CACNA1H: variants seen among roughly 807,000 people sequenced by gnomAD.
CACNA1H encodes voltage-dependent T-type calcium channel subunit alpha-1H.
Under a neutral mutation model 192.5 loss-of-function variants are expected in CACNA1H, and 149 were observed. The observed-to-expected ratio is 0.77, with a 90% CI of 0.68 to 0.89. The LOEUF (loss-of-function observed/expected upper bound fraction) is 0.89, where lower values mean the gene tolerates loss of function less well. CACNA1H is among the 40% of genes least tolerant of loss of function. CACNA1H has a pLI of 0.00. For missense variants in CACNA1H, 4,257 were observed against 3,423.5 expected, an observed-to-expected ratio of 1.24 and a Z score of -6.08; for synonymous variants, 2,202 against 1,475.2, an observed-to-expected ratio of 1.49 and a Z score of -11.29.
At position 1,206,096 on chromosome 16, in the gene CACNA1H, G is replaced by A; in HGVS notation, c.2604-8G>A. The A allele has an allele frequency of 6.4e-7, 1 of 1,564,164 alleles. No homozygotes were observed. The highest frequency in any genetic ancestry group is 8.6e-7 in the Non-Finnish European group (1 of 1,158,012). On this transcript the variant is annotated splice_region_variant and splice_polypyrimidine_tract_variant and intron_variant, in intron 11 of 34. Coordinates refer to ENST00000348261, the MANE Select transcript of CACNA1H (RefSeq NM_021098.3). Reference sequence around the variant, plus strand: ...GCCCCGCTGACCCTCGCCCCCACCTGTCCGCAGCGTCTGGGAGATCGTGGG... The same window carrying A: ...GCCCCGCTGACCCTCGCCCCCACCTATCCGCAGCGTCTGGGAGATCGTGGG...
At chr16:1,205,300 C>G (rs28365120) in intron 11 of CACNA1H, 35 bp downstream of exon 11, 2 of 1,570,554 alleles carry the variant, frequency 1.3e-6, no homozygotes, top group South Asian at 1.1e-5. Flanking sequence ...AAGAGGGGCC[C>G]GGGAAGCTCC....
intron 2 of CACNA1H, among the ~76,000 whole-genome samples, chr16:1,161,779 G>A (rs1963225979): frequency 1.3e-5 from 2 of 152,148 alleles, no homozygotes; most frequent in African/African-American, 4.8e-5. Flanking sequence ...GGGACAGACC[G>A]CTGGCCAGGC....
intron 26 of CACNA1H, among the ~76,000 whole-genome samples, chr16:1,212,796 C>G (rs759800463): frequency 1.3e-5 from 2 of 152,246 alleles, no homozygotes; most frequent in African/African-American, 2.4e-5. Flanking sequence ...CGCCCACACC[C>G]CTGCAGGCTT....
At chr16:1,186,566 GCA>G (rs1252776643) in intron 2 of CACNA1H, among the ~76,000 whole-genome samples, 1 of 152,060 alleles carries the variant, frequency 6.6e-6, no homozygotes, top group African/African-American at 2.4e-5. Context: ...CTGTACCTCT[GCA>G]CACGTGCCCA....
At chr16:1,219,172 G>GT in intron 34 of CACNA1H, 42 bp downstream of exon 34, 1 of 1,471,556 alleles carries the variant, frequency 6.8e-7, no homozygotes, top group South Asian at 1.3e-5. Flanking sequence ...TGGCGGGGAT[G>GT]GGGGGCTTGC....
chr16:1,212,862 C>T (rs1216116812), intron 26 of CACNA1H, among the ~76,000 whole-genome samples: 2 of 152,234 alleles, frequency 1.3e-5, no homozygotes, highest in African/African-American at 4.8e-5. Flanking sequence ...CCCTCTCCGG[C>T]TGCCCGGGCT....
In CACNA1H at chr16:1,209,403, C is replaced by G. The variant is rs1481752131; in HGVS notation, c.3735C>G (p.Asp1245Glu). 1 of 1,597,558 alleles carries G rather than the reference C, an allele frequency of 6.3e-7. No homozygotes were observed. The highest frequency in any genetic ancestry group is 1.7e-5 in the Admixed American group (1 of 59,980). The part of the protein sequence containing the change: ...HREDAAELDD[D>E]SEDSCCLRLH... ...AGGATGCAGCCGAGCTTGACGACGA[C>G]TCGGAGGACGTGAGTGCGTGGCCCT... The change falls in exon 17 of 35, where the codon GAC becomes GAG. Residue 1245 changes from aspartate (D) to glutamate (E), a missense_variant. Transcript: ENST00000348261.
intron 19 of CACNA1H, 24 bp from the exon 20 acceptor site, chr16:1,210,558 GC>G: frequency 3.1e-6 from 5 of 1,609,722 alleles, no homozygotes; most frequent in Non-Finnish European, 1.7e-6. Flanking sequence ...AGTGGACACA[GC>G]CCCCCACCGT....
At chr16:1,206,806 A>C in intron 12 of CACNA1H, 195 bp from the exon 13 acceptor site, 1 of 580,114 alleles carries the variant, frequency 1.7e-6, no homozygotes, top group Non-Finnish European at 3.1e-6. Flanking sequence ...AATGGACACT[A>C]CTGAGTTGTA....
chr16:1,208,432 A>T (rs905853551), intron 16 of CACNA1H, among the ~76,000 whole-genome samples: 28 of 152,162 alleles, frequency 1.8e-4, no homozygotes, highest in Admixed American at 1.8e-3. Context: ...CAGACGCGGA[A>T]GCTCTGTGCG....
intron 2 of CACNA1H, 108 bp from the exon 3 acceptor site, chr16:1,194,864 C>T (rs965665387): frequency 3.8e-5 from 30 of 796,534 alleles, no homozygotes; most frequent in Non-Finnish European, 5.6e-5. Context: ...GACACCCCCA[C>T]GCGCGCACAC....
Position 1,209,210 on chromosome 16 carries a change from A to G in CACNA1H, c.3542A>G (p.Asp1181Gly), listed in dbSNP as rs1969126206. ...GKGSTDDEAEDGRAAPGPRAT... is the reference protein window; with the variant it reads ...GKGSTDDEAEGGRAAPGPRAT... ...GGCAGCACCGACGACGAAGCTGAGGACGGCAGGGCCGCGCCCGGGCCCCGT... is the reference window on the plus strand; with the variant it reads ...GGCAGCACCGACGACGAAGCTGAGGGCGGCAGGGCCGCGCCCGGGCCCCGT... Residue 1181 changes from aspartate (D) to glycine (G), a missense_variant, in exon 17 of 35, where the codon GAC (aspartate) becomes GGC (glycine). Asp to Gly is a moderately conservative substitution (Grantham distance 94). Transcript: ENST00000348261. 16 of 1,548,836 alleles carry G rather than the reference A, an allele frequency of 1.0e-5. No homozygotes were observed. Among genetic ancestry groups the G allele is most frequent in the Admixed American group, 1.9e-5 (1 of 51,314 alleles).
intron 2 of CACNA1H, among the ~76,000 whole-genome samples, chr16:1,170,630 C>G (rs1028865985): frequency 6.6e-6 from 1 of 152,164 alleles, no homozygotes; most frequent in Admixed American, 6.5e-5. Flanking sequence ...GGAGCCTGGT[C>G]GGCATCCTGA....
chr16:1,212,610 G>A (rs951650204), intron 26 of CACNA1H, 82 bp downstream of exon 26: 2 of 1,524,972 alleles, frequency 1.3e-6, no homozygotes, highest in African/African-American at 1.4e-5. Context: ...GGCCTGCTGG[G>A]GTCCTCCGCA....
rs1555517834 is a variant in CACNA1H at position 1,212,513 on chromosome 16, A to C, written c.4762A>C (p.Thr1588Pro). The change falls in exon 26 of 35, where the codon ACT becomes CCT. Residue 1588 changes from threonine to proline, a missense_variant and splice_region_variant. Thr to Pro is a conservative substitution (Grantham distance 38). Transcript: ENST00000348261. ...AGACCATCTCCTTGTCTTTCCAGGC[A>C]CTTTCCCCAGCCCAGGTACCGGCCC... ...LRRLERRRRS[T>P]FPSPEAQRRP... The C allele has an allele frequency of 3.1e-6, 5 of 1,610,716 alleles. No homozygotes were observed. Among genetic ancestry groups the C allele is most frequent in the Non-Finnish European group, 4.2e-6 (5 of 1,179,074 alleles).
intron 5 of CACNA1H, among the ~76,000 whole-genome samples, 195 bp downstream of exon 5, chr16:1,196,218 A>C (rs971518205): frequency 7.9e-5 from 12 of 152,236 alleles, no homozygotes; most frequent in African/African-American, 2.9e-4. Flanking sequence ...GGGGAGAATC[A>C]AGCTGCGGTG....
In CACNA1H at chr16:1,200,152, CA is replaced by C; in HGVS notation, c.804-103del. On this transcript the variant is annotated intron_variant, in intron 6 of 34. Coordinates refer to ENST00000348261, the MANE Select transcript of CACNA1H (RefSeq NM_021098.3). ...TTAGTCCACTGGCCCTGACCCTGAT[CA>C]CGTCCCTGACCTTGATCACGTCCCT... 2.2e-6 allele frequency: 2 copies of C among 912,514 alleles called. 1 individual carries two copies. The highest frequency in any genetic ancestry group is 5.7e-5 in the East Asian group (2 of 34,932). 56.5% of individuals were successfully genotyped at this position (912,514 alleles called of 1,614,324 possible). A position where few individuals can be genotyped will look rare whatever the true frequency, so the allele number is the denominator to read the frequency against.
chr16:1,178,846 G>T (rs1375961352), intron 2 of CACNA1H, among the ~76,000 whole-genome samples: 12 of 152,240 alleles, frequency 7.9e-5, no homozygotes. Flanking sequence ...GGCAGGTGTG[G>T]CTGCCAGGGC....
intron 21 of CACNA1H, 33 bp from the exon 22 acceptor site, chr16:1,211,135 G>C: frequency 6.2e-7 from 1 of 1,605,878 alleles, no homozygotes; most frequent in Non-Finnish European, 8.5e-7. Flanking sequence ...TGCTGCCATA[G>C]ATGACTGCAG....
Sources: allele counts gnomAD v4.1 joint callset (sites outside exome capture counted in the v4.1 genomes callset), GRCh38; gene constraint gnomAD v4.1.1; transcripts MANE v1.5; gene names NCBI Gene and HGNC (gene_info 2026-07-23, HGNC 2026-07-21).